The following CAMTA1 variants were observed in gnomAD, a reference collection of about 807,000 sequenced individuals.
CAMTA1 encodes the protein calmodulin binding transcription activator 1.
CAMTA1 carries 27 observed loss-of-function variants against 170.9 expected under a neutral mutation model. That is an observed-to-expected ratio of 0.16 (90% CI 0.12 to 0.22). The LOEUF (loss-of-function observed/expected upper bound fraction) is 0.22. Among genes scored for constraint, CAMTA1 ranks in the 10% least tolerant of loss-of-function variants. The probability of loss-of-function intolerance (pLI) is 1.00; values close to 1 mark genes in which losing one functional copy is unlikely to be tolerated. For missense variants in CAMTA1, 1,619 were observed against 2,217.2 expected, an observed-to-expected ratio of 0.73 and a Z score of 5.42; for synonymous variants, 833 against 891.5, an observed-to-expected ratio of 0.93 and a Z score of 1.17.
At chr1:6,944,900 G>A (rs990806471) in intron 3 of CAMTA1, among the ~76,000 whole-genome samples, 6 of 152,186 alleles carry the variant, frequency 3.9e-5, no homozygotes, top group African/African-American at 1.4e-4. Flanking sequence ...GGTAGGCAAA[G>A]CTATGGTGTT....
rs928561739 is a variant in CAMTA1 at position 7,634,190 on chromosome 1, C to T, written c.511-6210C>T. Among the ~76,000 whole-genome samples the T allele has an allele frequency of 3.9e-5, 6 of 152,118 alleles. No individual in the cohort carries two copies. Among genetic ancestry groups the T allele is most frequent in the African/African-American group, 1.4e-4 (6 of 41,414 alleles). On this transcript the variant is annotated intron_variant, in intron 6 of 22. Coordinates refer to ENST00000303635, the MANE Select transcript of CAMTA1 (RefSeq NM_015215.4). This position sits in a 1 kb window ranked among gnomAD's most constrained non-coding sequence, Gnocchi z 6.2. The stretch of plus-strand genomic sequence containing the variant: ...CACCCGGGAGGAGGGCACACTCCCA[C>T]GTGCGCAGGAGAGCAGGTGGAGGAT...
At chr1:6,818,815 A>G (rs1339955786) in intron 1 of CAMTA1, among the ~76,000 whole-genome samples, 1 of 148,654 alleles carries the variant, frequency 6.7e-6, no homozygotes, top group Non-Finnish European at 1.5e-5. Context: ...TAATTTTTGT[A>G]TCTTTGGTAG....
rs138437494 is a variant in CAMTA1, at chr1:7,132,809, T to G, written c.302+41438T>G. Among the ~76,000 whole-genome samples, 664 of 152,348 alleles carry G rather than the reference T, an allele frequency of 4.4e-3. 8 individuals carry two copies. Among genetic ancestry groups the G allele is most frequent in the African/African-American group, 0.014 (597 of 41,580 alleles). ...TTACTGAGATTTCTGCTGTGAGTTT[T>G]TTTCATGAATGGATGTTGGATTTTG... On this transcript the variant is annotated intron_variant, in intron 4 of 22. Transcript: ENST00000303635.
intron 6 of CAMTA1, among the ~76,000 whole-genome samples, chr1:7,553,755 C>T (rs1475889481): frequency 6.6e-6 from 1 of 152,024 alleles, no homozygotes; most frequent in African/African-American, 2.4e-5. Flanking sequence ...CAAGAATTCT[C>T]ACCTGCAATC....
At chr1:7,472,425 TG>T (rs1178259148) in intron 6 of CAMTA1, among the ~76,000 whole-genome samples, 3 of 152,192 alleles carry the variant, frequency 2.0e-5, no homozygotes, top group Non-Finnish European at 2.9e-5. Context: ...TGCTGACTCC[TG>T]GCTGGGCAGT....
At chr1:7,022,506 G>A (rs1243771200) in intron 3 of CAMTA1, among the ~76,000 whole-genome samples, 1 of 152,180 alleles carries the variant, frequency 6.6e-6, no homozygotes, top group Non-Finnish European at 1.5e-5. Context: ...AGGCAAATTT[G>A]GTCAGTTCTT....
chr1:7,529,237 TG>T (rs2094463869), intron 6 of CAMTA1, among the ~76,000 whole-genome samples: 1 of 152,094 alleles, frequency 6.6e-6, no homozygotes, highest in Non-Finnish European at 1.5e-5. Context: ...GGGGCAGAGA[TG>T]GGCATGGGGC....
In CAMTA1 at chr1:7,681,121, C is replaced by T. The variant is rs554189134; in HGVS notation, c.2914+3388C>T. Among the ~76,000 whole-genome samples the T allele has an allele frequency of 6.6e-6, 1 of 152,232 alleles. No individual in the cohort carries two copies. The highest frequency in any genetic ancestry group is 2.4e-5 in the African/African-American group (1 of 41,554). On this transcript the variant is annotated intron_variant, in intron 11 of 22. Transcript: ENST00000303635. The surrounding 1 kb of genome is among the most constrained non-coding windows in gnomAD (Gnocchi z 4.6). Reference sequence around the variant, plus strand: ...CTGGATCCCGGAGCTGCAGCGCCTCCCCCAGACCTAGGGGTCTTCCCCTCC... The same window carrying T: ...CTGGATCCCGGAGCTGCAGCGCCTCTCCCAGACCTAGGGGTCTTCCCCTCC...
intron 6 of CAMTA1, among the ~76,000 whole-genome samples, chr1:7,590,882 C>G (rs753972122): frequency 6.6e-6 from 1 of 152,182 alleles, no homozygotes; most frequent in Non-Finnish European, 1.5e-5. Context: ...CCAGACAAAA[C>G]CTCTCTAATT....
Position 7,664,214 on chromosome 1 carries a change from C to A in CAMTA1, c.1667C>A (p.Ala556Glu), listed in dbSNP as rs778610618. ...TACTCCTCCTCCGCGGCGGCTGTGG[C>A]AGCCAGCTCCCTCACCCTGACCGCC... ...EAYSSSAAAV[A>E]ASSLTLTAGS... Residue 556 changes from alanine (A) to glutamate (E), a missense_variant, in exon 9 of 23, where the codon GCA becomes GAA. Coordinates refer to ENST00000303635, the MANE Select transcript of CAMTA1 (RefSeq NM_015215.4). 3.1e-6 allele frequency: 5 copies of A among 1,612,550 alleles called. No homozygotes were observed. Among genetic ancestry groups the A allele is most frequent in the Non-Finnish European group, 4.2e-6 (5 of 1,180,018 alleles).
chr1:6,861,506 A>G (rs1453393985), intron 3 of CAMTA1, among the ~76,000 whole-genome samples: 1 of 152,204 alleles, frequency 6.6e-6, no homozygotes, highest in African/African-American at 2.4e-5. Flanking sequence ...ATGAATGAGT[A>G]TCCTTGAGGT....
chr1:7,046,109 G>C (rs1705340519), intron 3 of CAMTA1, among the ~76,000 whole-genome samples: 1 of 152,204 alleles, frequency 6.6e-6, no homozygotes, highest in Non-Finnish European at 1.5e-5. Context: ...CTCAGTAGAA[G>C]TGCACAGAAA....
chr1:7,250,809 C>T (rs1666513465), intron 5 of CAMTA1, among the ~76,000 whole-genome samples: 1 of 152,178 alleles, frequency 6.6e-6, no homozygotes, highest in Non-Finnish European at 1.5e-5. Flanking sequence ...ATTCCAGTTC[C>T]TGCATTCTCC....
chr1:6,832,511 G>T (rs563353286), intron 3 of CAMTA1, among the ~76,000 whole-genome samples: 2 of 152,116 alleles, frequency 1.3e-5, no homozygotes, highest in Admixed American at 6.5e-5. Flanking sequence ...TCAGTGATTG[G>T]TTTTTCTAGT....
chr1:7,021,024 C>T (rs1482546054), intron 3 of CAMTA1, among the ~76,000 whole-genome samples: 1 of 152,270 alleles, frequency 6.6e-6, no homozygotes, highest in African/African-American at 2.4e-5. Flanking sequence ...GTGCACCCTG[C>T]TTTTGACCAT....
At chr1:6,845,346 A>G (rs1200727473) in intron 3 of CAMTA1, among the ~76,000 whole-genome samples, 2 of 152,164 alleles carry the variant, frequency 1.3e-5, no homozygotes, top group African/African-American at 4.8e-5. Context: ...TATATCTGCT[A>G]CCACCTCTAA....
chr1:7,647,775 C>G (rs1476009753), intron 7 of CAMTA1, among the ~76,000 whole-genome samples: 1 of 152,164 alleles, frequency 6.6e-6, no homozygotes, highest in East Asian at 1.9e-4. Context: ...CAGAGCCCAT[C>G]GAGGAAGGAC....
intron 3 of CAMTA1, among the ~76,000 whole-genome samples, chr1:6,829,672 T>C (rs1270730724): frequency 6.6e-6 from 1 of 152,238 alleles, no homozygotes; most frequent in Admixed American, 6.5e-5. Context: ...ATGAGGAAAC[T>C]GAAGCCATGG....
intron 4 of CAMTA1, among the ~76,000 whole-genome samples, chr1:7,155,755 G>A (rs755626385): frequency 1.3e-5 from 2 of 152,088 alleles, no homozygotes; most frequent in African/African-American, 2.4e-5. Flanking sequence ...GAGCAAGGCC[G>A]CCCCTCTGTT....
Sources: gnomAD v4.1 joint callset for allele counts (sites outside exome capture counted in the v4.1 genomes callset) on GRCh38, gnomAD v4.1.1 for gene constraint, Gnocchi (gnomAD v3.1) non-coding constraint, MANE v1.5 for transcripts, NCBI Gene and HGNC (gene_info 2026-07-23, HGNC 2026-07-21) for gene names.